The following OCA2 variants were observed in gnomAD, a reference collection of about 807,000 sequenced individuals.
The protein encoded by OCA2 is P protein.
OCA2 carries 77 observed loss-of-function variants against 100.2 expected under a neutral mutation model. That is an observed-to-expected ratio of 0.77 (90% CI 0.64 to 0.93). The LOEUF (loss-of-function observed/expected upper bound fraction) is 0.93, where lower values mean the gene tolerates loss of function less well. Ranked by LOEUF, OCA2 falls within the 40% of genes least tolerant of loss-of-function variation. The pLI is 0.00. For synonymous variants in OCA2, 432 were observed against 439.2 expected (o/e 0.98, Z 0.21); for missense variants, 1,062 against 1,089.1 (o/e 0.98, Z 0.35).
intron 23 of OCA2, among the ~76,000 whole-genome samples, chr15:27,806,422 G>A (rs569024838): frequency 6.6e-6 from 1 of 152,338 alleles, no homozygotes; most frequent in African/African-American, 2.4e-5. Context: ...AGATGCGTGG[G>A]CGAGCTTGGG....
chr15:27,729,811 G>A, the OCA2 span, among the ~76,000 whole-genome samples: 3 of 152,300 alleles, frequency 2.0e-5, no homozygotes, highest in East Asian at 5.8e-4. Context: ...ATAAACTGGA[G>A]TGTAGCCATT....
At chr15:27,737,982 G>A in the OCA2 span, among the ~76,000 whole-genome samples, 2 of 152,240 alleles carry the variant, frequency 1.3e-5, no homozygotes, top group African/African-American at 4.8e-5. Flanking sequence ...TTACACACCC[G>A]CCAGAATGCC....
chr15:27,828,850 G>T (rs548043635), intron 23 of OCA2, among the ~76,000 whole-genome samples: 2 of 152,168 alleles, frequency 1.3e-5, no homozygotes, highest in Non-Finnish European at 2.9e-5. Context: ...CTGGCTCTCC[G>T]TGGCATGAAG....
At chr15:27,840,656 G>A (rs142327143) in intron 23 of OCA2, among the ~76,000 whole-genome samples, 10 of 152,256 alleles carry the variant, frequency 6.6e-5, no homozygotes, top group African/African-American at 2.4e-4. Context: ...GCAACTCAAC[G>A]GAGGAACCAT....
intron 2 of OCA2, among the ~76,000 whole-genome samples, chr15:28,036,992 C>G (rs2043063303): frequency 6.6e-6 from 1 of 152,106 alleles, no homozygotes; most frequent in Non-Finnish European, 1.5e-5. Flanking sequence ...TTAACCTGTG[C>G]ATGACCAAAT....
intron 23 of OCA2, among the ~76,000 whole-genome samples, chr15:27,763,626 T>C (rs1022315073): frequency 3.9e-5 from 6 of 152,206 alleles, no homozygotes; most frequent in Non-Finnish European, 8.8e-5. Context: ...GAGATGTCCC[T>C]GGCTATGGTA....
intron 14 of OCA2, among the ~76,000 whole-genome samples, chr15:27,982,837 C>T (rs2041213104): frequency 6.6e-6 from 1 of 152,172 alleles, no homozygotes; most frequent in Non-Finnish European, 1.5e-5. Flanking sequence ...ATACCTTGCA[C>T]TTTCTAATAC....
chr15:27,881,834 T>C (rs1023935654), intron 19 of OCA2, among the ~76,000 whole-genome samples: 6 of 152,170 alleles, frequency 3.9e-5, no homozygotes, highest in African/African-American at 1.4e-4. Flanking sequence ...CCTAGATTCA[T>C]TGATTATTTG....
At chr15:27,927,391 T>C (rs2039081940) in intron 18 of OCA2, among the ~76,000 whole-genome samples, 1 of 152,202 alleles carries the variant, frequency 6.6e-6, no homozygotes, top group African/African-American at 2.4e-5. Context: ...ACAATGTACA[T>C]ACCATTCACC....
the OCA2 span, among the ~76,000 whole-genome samples, chr15:27,733,200 C>T: frequency 6.6e-6 from 1 of 152,186 alleles, no homozygotes; most frequent in South Asian, 2.1e-4. Flanking sequence ...TGGTTACATT[C>T]AGATGTTCGG....
At chr15:28,059,559 A>AATC (rs2043808113) in intron 2 of OCA2, among the ~76,000 whole-genome samples, 1 of 152,184 alleles carries the variant, frequency 6.6e-6, no homozygotes, top group Non-Finnish European at 1.5e-5. Flanking sequence ...TAATAATAAT[A>AATC]ATCATCATCA....
chr15:27,880,076 C>T (rs1327123041), intron 19 of OCA2, among the ~76,000 whole-genome samples: 3 of 152,112 alleles, frequency 2.0e-5, no homozygotes, highest in Non-Finnish European at 4.4e-5. Flanking sequence ...ATGTGGCTGG[C>T]CAGTTTTCCC....
intron 2 of OCA2, among the ~76,000 whole-genome samples, chr15:28,073,530 A>T (rs956912018): frequency 6.6e-6 from 1 of 152,228 alleles, no homozygotes; most frequent in African/African-American, 2.4e-5. Flanking sequence ...CTCACTTATA[A>T]ATGGGAGTTA....
At chr15:28,074,159 C>T (rs1222335049) in intron 2 of OCA2, among the ~76,000 whole-genome samples, 1 of 152,178 alleles carries the variant, frequency 6.6e-6, no homozygotes, top group Non-Finnish European at 1.5e-5. Context: ...AGGGCTCACA[C>T]CATTTGATTT....
intron 18 of OCA2, among the ~76,000 whole-genome samples, chr15:27,949,530 G>T (rs918404516): frequency 2.6e-5 from 4 of 152,150 alleles, no homozygotes; most frequent in Non-Finnish European, 5.9e-5. Context: ...GGGTGTGGTG[G>T]CGCATTCCTG....
chr15:27,985,393 C>T (rs1298608273), intron 12 of OCA2, among the ~76,000 whole-genome samples: 2 of 152,146 alleles, frequency 1.3e-5, no homozygotes, highest in Non-Finnish European at 2.9e-5. Context: ...CCTCCCTAGC[C>T]AGCACTGTCA....
At chr15:27,873,730 C>T (rs1423051591) in intron 19 of OCA2, among the ~76,000 whole-genome samples, 2 of 152,120 alleles carry the variant, frequency 1.3e-5, no homozygotes, top group Non-Finnish European at 2.9e-5. Flanking sequence ...CTTCAAAAAA[C>T]TTGAATATTG....
chr15:28,024,777 T>C, intron 5 of OCA2, 68 bp downstream of exon 5: 3 of 1,529,330 alleles, frequency 2.0e-6, no homozygotes, highest in Non-Finnish European at 2.7e-6. Flanking sequence ...TTCCCCCTGC[T>C]ATACAGCCAA....
intron 19 of OCA2, among the ~76,000 whole-genome samples, chr15:27,881,971 G>A (rs76198176): frequency 0.016 from 2,382 of 152,172 alleles, 56 homozygotes; most frequent in African/African-American, 0.05. Context: ...TTAGGGTGTC[G>A]ATATGACATC....
Sources: gnomAD v4.1 joint callset for allele counts (sites outside exome capture counted in the v4.1 genomes callset) on GRCh38, gnomAD v4.1.1 for gene constraint, MANE v1.5 for transcripts, NCBI Gene and HGNC (gene_info 2026-07-23, HGNC 2026-07-21) for gene names.